The following KALRN variants were observed in gnomAD, a reference collection of about 807,000 sequenced individuals.
KALRN encodes the protein kalirin.
KALRN carries 70 observed loss-of-function variants against 353.7 expected under a neutral mutation model. The ratio of observed to expected loss-of-function variants is 0.20; its 90% CI spans 0.16 to 0.24. The LOEUF is 0.24. Among genes scored for constraint, KALRN ranks in the 10% least tolerant of loss-of-function variants. KALRN has a pLI of 1.00. For missense variants in KALRN, 2,791 were observed against 3,756.7 expected, an observed-to-expected ratio of 0.74 and a Z score of 6.72; for synonymous variants, 1,391 against 1,434.8, an observed-to-expected ratio of 0.97 and a Z score of 0.69.
chr3:124,658,732 C>G (rs2084422086), intron 42 of KALRN, among the ~76,000 whole-genome samples: 1 of 152,208 alleles, frequency 6.6e-6, no homozygotes. Context: ...GTGGCCCAGT[C>G]TGGGTTCTGA....
chr3:124,356,574 T>C (rs923031357), intron 10 of KALRN, among the ~76,000 whole-genome samples: 9 of 152,012 alleles, frequency 5.9e-5, no homozygotes, highest in Non-Finnish European at 1.3e-4. Context: ...CCTCAGGTGA[T>C]TGCCCACCTT....
At chr3:124,222,101 C>T (rs2077982830) in intron 1 of KALRN, among the ~76,000 whole-genome samples, 1 of 152,106 alleles carries the variant, frequency 6.6e-6, no homozygotes. Flanking sequence ...ATCTTGGTGA[C>T]AGTATTTATG....
At chr3:124,707,944 T>C (rs907031640) in intron 57 of KALRN, among the ~76,000 whole-genome samples, 2 of 152,200 alleles carry the variant, frequency 1.3e-5, no homozygotes, top group African/African-American at 4.8e-5. Context: ...ATAGCAAGGC[T>C]CTGAGAACTG....
intron 1 of KALRN, among the ~76,000 whole-genome samples, chr3:124,078,091 T>C (rs1180065894): frequency 1.3e-5 from 2 of 152,240 alleles, no homozygotes; most frequent in Non-Finnish European, 2.9e-5. Context: ...TCCCATAGGC[T>C]TAGCTCCAGT....
chr3:124,556,997 A>C (rs2071345350), intron 33 of KALRN, among the ~76,000 whole-genome samples: 3 of 152,338 alleles, frequency 2.0e-5, no homozygotes, highest in Admixed American at 2.0e-4. Flanking sequence ...TAAATAATCT[A>C]ATGGCTGCAT....
intron 1 of KALRN, among the ~76,000 whole-genome samples, chr3:124,151,563 G>A (rs1021648334): frequency 5.3e-5 from 8 of 152,028 alleles, no homozygotes; most frequent in African/African-American, 1.4e-4. Context: ...TTCTTATTGA[G>A]TTGTAAGAGT....
intron 1 of KALRN, among the ~76,000 whole-genome samples, chr3:124,140,207 G>A (rs2066454147): frequency 6.6e-6 from 1 of 152,100 alleles, no homozygotes; most frequent in African/African-American, 2.4e-5. Context: ...CCTCTCCAAA[G>A]CATTAAAACC....
At chr3:124,445,468 C>T (rs542242789) in intron 19 of KALRN, among the ~76,000 whole-genome samples, 13 of 152,302 alleles carry the variant, frequency 8.5e-5, no homozygotes, top group African/African-American at 3.1e-4. Flanking sequence ...AATACCTAAC[C>T]ATGGCCCACT....
In KALRN at chr3:124,427,860, G is replaced by T. The variant is rs187921229; in HGVS notation, c.2710-2796G>T. ...GATCATCTAACCTATTAGGTAAATT[G>T]TTGCCTAGAATGATTGATCAATGTT... On this transcript the variant is annotated intron_variant, in intron 15 of 59. Coordinates refer to ENST00000682506, the MANE Select transcript of KALRN (RefSeq NM_001388419.1). Among the ~76,000 whole-genome samples, 375 of 152,300 alleles carry T rather than the reference G, an allele frequency of 2.5e-3. 3 individuals are homozygous for T. The highest frequency in any genetic ancestry group is 0.017 in the Middle Eastern group (5 of 294).
intron 34 of KALRN, among the ~76,000 whole-genome samples, chr3:124,585,862 C>T (rs1412549875): frequency 2.0e-5 from 3 of 152,200 alleles, no homozygotes; most frequent in Non-Finnish European, 1.5e-5. Flanking sequence ...AGTCTCCCAT[C>T]CCATCTGCTA....
intron 3 of KALRN, among the ~76,000 whole-genome samples, chr3:124,252,474 A>G (rs777568208): frequency 5.3e-5 from 8 of 152,220 alleles, no homozygotes; most frequent in Non-Finnish European, 1.2e-4. Context: ...TTATGCACAG[A>G]TACTGAGTCA....
At chr3:124,666,991 G>A in intron 46 of KALRN, 21 bp from the exon 47 acceptor site, 1 of 1,580,634 alleles carries the variant, frequency 6.3e-7, no homozygotes, top group Non-Finnish European at 8.6e-7. Flanking sequence ...ATGTAAAAAG[G>A]ATCAACTCGT....
intron 19 of KALRN, among the ~76,000 whole-genome samples, chr3:124,443,897 A>G (rs138615257): frequency 1.5e-4 from 23 of 152,330 alleles, no homozygotes; most frequent in Middle Eastern, 3.4e-3. Flanking sequence ...CATAAAGACT[A>G]AAAGAAATGG....
At chr3:124,419,862 G>A (rs575537306) in intron 14 of KALRN, among the ~76,000 whole-genome samples, 15 of 152,284 alleles carry the variant, frequency 9.9e-5, no homozygotes, top group African/African-American at 3.6e-4. Flanking sequence ...GCATTTCTAA[G>A]AGCCCCTAAG....
intron 51 of KALRN, among the ~76,000 whole-genome samples, chr3:124,686,798 A>ATTTTT (rs10599336): frequency 2.5e-4 from 18 of 70,828 alleles, no homozygotes; most frequent in Admixed American, 5.8e-4. Context: ...CACTGGTGAG[A>ATTTTT]TTTTTTTTTT....
intron 1 of KALRN, among the ~76,000 whole-genome samples, chr3:124,150,453 G>A (rs1442225076): frequency 6.6e-6 from 1 of 152,038 alleles, no homozygotes. Flanking sequence ...TGTTACATAT[G>A]TATACATGTG....
At position 124,693,832 on chromosome 3, in the gene KALRN, G is replaced by T; in HGVS notation, c.7405+1G>T. ...TTAAATCCAAATTTCATCCAAGAAG[G>T]TGAGTTAAAAAGCATTAGAATTGGA... On this transcript the variant is annotated splice_donor_variant, in intron 52 of 59. Transcript: ENST00000682506. LOFTEE classifies it high-confidence loss of function. 6.4e-7 allele frequency: 1 copy of T among 1,569,604 alleles called. No individual in the cohort carries two copies. Among genetic ancestry groups the T allele is most frequent in the Non-Finnish European group, 8.7e-7 (1 of 1,148,810 alleles).
At chr3:124,352,690 T>TA (rs1420250002) in intron 10 of KALRN, among the ~76,000 whole-genome samples, 12 of 151,962 alleles carry the variant, frequency 7.9e-5, no homozygotes, top group African/African-American at 2.4e-4. Flanking sequence ...TTTTTTTTTT[T>TA]ATCAAACTTG....
chr3:124,071,810 GC>G (rs1232239831), intron 1 of KALRN, among the ~76,000 whole-genome samples: 9 of 152,144 alleles, frequency 5.9e-5, no homozygotes, highest in African/African-American at 1.9e-4. Context: ...CTGAACCATA[GC>G]TCTCTTCATC....
Sources: allele counts gnomAD v4.1 joint callset (sites outside exome capture counted in the v4.1 genomes callset), GRCh38; gene constraint gnomAD v4.1.1; transcripts MANE v1.5; gene names NCBI Gene and HGNC (gene_info 2026-07-23, HGNC 2026-07-21).